Variants in MTFR2 observed in about 807,000 individuals in gnomAD.
MTFR2 encodes the protein mitochondrial fission regulator 2, also known as DUF729 domain-containing protein 1.
MTFR2 carries 44 observed loss-of-function variants against 41.2 expected under a neutral mutation model. That is an observed-to-expected ratio of 1.07 (90% confidence interval 0.84 to 1.37). MTFR2 has a LOEUF of 1.37. Among genes scored for constraint, MTFR2 ranks in the 40% most tolerant of loss-of-function variants. The pLI is 0.00. For synonymous variants in MTFR2, 141 were observed against 154.6 expected (o/e 0.91, Z 0.65); for missense variants, 452 against 459.5 (o/e 0.98, Z 0.15).
intron 6 of MTFR2, among the ~76,000 whole-genome samples, chr6:136,235,690 T>C (rs960207796): frequency 1.3e-5 from 2 of 152,082 alleles, no homozygotes; most frequent in African/African-American, 2.4e-5. Context: ...TCCCAGCACT[T>C]TGGGAGGCCA....
chr6:136,247,180 T>C (rs545212913), intron 2 of MTFR2, among the ~76,000 whole-genome samples: 17 of 152,198 alleles, frequency 1.1e-4, no homozygotes, highest in African/African-American at 3.4e-4. Flanking sequence ...TAAAACCCCA[T>C]CTCTACTAAA....
Position 136,231,332 on chromosome 6 carries a change from G to A in MTFR2, c.1101C>T (p.Asn367=), listed in dbSNP as rs1779748727. The change falls in exon 8 of 8, where the codon AAC becomes AAT. Residue 367 remains asparagine, a synonymous_variant. Coordinates refer to ENST00000420702, the MANE Select transcript of MTFR2 (RefSeq NM_001099286.3). ...EGQRTKEEMV[N]TKAVDQGISN... is the part of the protein sequence containing the mutation. ...TGATACCTTGGTCAACAGCTTTTGT[G>A]TTGACCATTTCTTCTTTAGTTCGCT... 5.0e-6 allele frequency: 8 copies of A among 1,612,716 alleles called. No individual in the cohort carries two copies. Among genetic ancestry groups the A allele is most frequent in the Non-Finnish European group, 6.8e-6 (8 of 1,179,594 alleles).
At chr6:136,237,795 G>A (rs1428119950) in intron 6 of MTFR2, among the ~76,000 whole-genome samples, 2 of 151,074 alleles carry the variant, frequency 1.3e-5, no homozygotes, top group African/African-American at 2.5e-5. Flanking sequence ...CAGCCCGGGC[G>A]ACAGAGCCAG....
intron 2 of MTFR2, among the ~76,000 whole-genome samples, chr6:136,245,427 T>A (rs528188242): frequency 6.6e-6 from 1 of 152,318 alleles, no homozygotes. Context: ...GAAGTAATAA[T>A]GTGCTACTAT....
rs1198404870 is a variant in MTFR2, at chr6:136,231,369, T to A, written c.1064A>T (p.Gln355Leu). Residue 355 changes from glutamine (Q) to leucine (L), a missense_variant, in exon 8 of 8, where the codon CAG becomes CTG. Coordinates refer to ENST00000420702, the MANE Select transcript of MTFR2 (RefSeq NM_001099286.3). Reference protein sequence around the residue: ...ETSRFGHHISQSEGQRTKEEM... With the variant: ...ETSRFGHHISLSEGQRTKEEM... ...TTCTTTAGTTCGCTGTCCTTCTGACTGTGAAATGTGATGTCCAAACTGAAA... is the reference window on the plus strand; with the variant it reads ...TTCTTTAGTTCGCTGTCCTTCTGACAGTGAAATGTGATGTCCAAACTGAAA... 1 of 1,608,272 alleles carries A rather than the reference T, an allele frequency of 6.2e-7. No individual in the cohort carries two copies. The highest frequency in any genetic ancestry group is 8.5e-7 in the Non-Finnish European group (1 of 1,176,864).
intron 4 of MTFR2, 117 bp downstream of exon 4, chr6:136,242,744 G>A (rs1780113127): frequency 1.5e-6 from 1 of 671,460 alleles, no homozygotes; most frequent in Non-Finnish European, 2.4e-6. Context: ...GATACAGTAG[G>A]GCACAGCACA....
intron 7 of MTFR2, 50 bp from the exon 8 acceptor site, chr6:136,231,438 A>C: frequency 8.4e-7 from 1 of 1,194,326 alleles, no homozygotes; most frequent in Non-Finnish European, 1.2e-6. Flanking sequence ...TGTCAAAAAA[A>C]AAAAAGAATG....
chr6:136,250,057 C>A lies in MTFR2; in HGVS notation c.-136G>T, dbSNP rs1193467879. The A allele has an allele frequency of 1.3e-5, 2 of 152,234 alleles. No individual in the cohort carries two copies. Among genetic ancestry groups the A allele is most frequent in the African/African-American group, 4.8e-5 (2 of 41,448 alleles). 9.4% of individuals were successfully genotyped at this position (152,234 alleles called of 1,614,324 possible). A position where few individuals can be genotyped will look rare whatever the true frequency, so the allele number is the denominator to read the frequency against. On this transcript the variant is annotated 5_prime_UTR_variant, in exon 1 of 8. Transcript: ENST00000420702. ...GAATCCTCAATCAAATTCCAGACTG[C>A]GCCACTCCTTGTGCAGATCGCTCAG...
chr6:136,239,452 T>C lies in MTFR2; in HGVS notation c.869+14A>G, dbSNP rs1396209069. 2 of 1,543,988 alleles carry C rather than the reference T, an allele frequency of 1.3e-6. No individual in the cohort carries two copies. The highest frequency in any genetic ancestry group is 1.4e-5 in the African/African-American group (1 of 72,390). ...ACAAAATTTCAGTTCACTTTTCAAA[T>C]TACAACAACATACCGCTCAATTGCA... On this transcript the variant is annotated intron_variant, in intron 6 of 7. Transcript: ENST00000420702.
intron 5 of MTFR2, among the ~76,000 whole-genome samples, chr6:136,241,070 G>A (rs188523332): frequency 0.015 from 2,115 of 144,334 alleles, 48 homozygotes; most frequent in African/African-American, 0.052. Flanking sequence ...CAGCCTGGGC[G>A]ACAGAGCAAG....
At chr6:136,248,292 G>C (rs1417526321) in intron 2 of MTFR2, among the ~76,000 whole-genome samples, 2 of 152,196 alleles carry the variant, frequency 1.3e-5, no homozygotes, top group African/African-American at 4.8e-5. Flanking sequence ...ATTTGCTTAT[G>C]ATATGGTTTG....
At chr6:136,249,723 C>A (rs1434725254) in intron 1 of MTFR2, among the ~76,000 whole-genome samples, 1 of 152,166 alleles carries the variant, frequency 6.6e-6, no homozygotes, top group South Asian at 2.1e-4. Flanking sequence ...CCTGCACAAG[C>A]CCTCTTGCCT....
At chr6:136,247,846 G>A (rs1302843284) in intron 2 of MTFR2, among the ~76,000 whole-genome samples, 8 of 152,146 alleles carry the variant, frequency 5.3e-5, no homozygotes, top group African/African-American at 1.9e-4. Flanking sequence ...CATTATCGAA[G>A]TCCATGGCTT....
rs778867653 is a variant in MTFR2 at position 136,249,092 on chromosome 6, A to C, written c.8T>G (p.Leu3Arg). The change falls in exon 2 of 8, where the codon CTC (leucine) becomes CGC (arginine). Residue 3 changes from leucine (L) to arginine (R), a missense_variant. Coordinates refer to ENST00000420702, the MANE Select transcript of MTFR2 (RefSeq NM_001099286.3). MS[L>R]ILNILREMLE... ...CATCTCTCTTAAGATATTCAGTATGAGAGACATTGATGAAGCAAATACAGA... is the reference window on the plus strand; with the variant it reads ...CATCTCTCTTAAGATATTCAGTATGCGAGACATTGATGAAGCAAATACAGA... 3.1e-6 allele frequency: 5 copies of C among 1,589,778 alleles called. No individual in the cohort carries two copies. In the East Asian group the frequency reaches 9.1e-5, roughly 29 times the overall value.
In MTFR2 at chr6:136,244,883, AAAGT is replaced by A. The variant is rs757979960; in HGVS notation, c.64-18_64-15del. 5.8e-6 allele frequency: 9 copies of A among 1,555,330 alleles called. No homozygotes were observed. In the South Asian group the frequency reaches 1.0e-4, roughly 18 times the overall value. On this transcript the variant is annotated splice_polypyrimidine_tract_variant and intron_variant, in intron 2 of 7. Transcript: ENST00000420702. ...AATCAGCAAAACCTATTTTAAACAT[AAAGT>A]ATGAATTAAAATGCACTCTGATTAA...
chr6:136,244,304 A>AT (rs984345058), intron 3 of MTFR2, among the ~76,000 whole-genome samples: 2 of 152,120 alleles, frequency 1.3e-5, no homozygotes, highest in Admixed American at 6.5e-5. Context: ...CGGACGTAAC[A>AT]TTTTTTATCT....
chr6:136,246,159 G>A (rs537768940), intron 2 of MTFR2, among the ~76,000 whole-genome samples: 1 of 152,314 alleles, frequency 6.6e-6, no homozygotes, highest in African/African-American at 2.4e-5. Flanking sequence ...TTAGTTCTTA[G>A]TTAATTTAAA....
chr6:136,243,789 T>C (rs1405337991), intron 3 of MTFR2, among the ~76,000 whole-genome samples: 1 of 151,748 alleles, frequency 6.6e-6, no homozygotes, highest in African/African-American at 2.4e-5. Flanking sequence ...GAGAAGGTAT[T>C]GTTATTATAG....
Position 136,241,595 on chromosome 6 carries a change from A to G in MTFR2, c.363T>C (p.Ala121=). The G allele has an allele frequency of 6.2e-7, 1 of 1,614,192 alleles. No individual in the cohort carries two copies. The highest frequency in any genetic ancestry group is 8.5e-7 in the Non-Finnish European group (1 of 1,180,036). The change falls in exon 5 of 8, where the codon GCT becomes GCC. Residue 121 remains alanine, a synonymous_variant. Coordinates refer to ENST00000420702, the MANE Select transcript of MTFR2 (RefSeq NM_001099286.3). ...TTTTCACAGTTTCTTTCTGTCTTAC[A>G]GCAGGTGACAGTGGATCCCGAACTA... The part of the protein sequence containing the change: ...LRLVRDPLSP[A]VRQKETVKND...
Sources: gnomAD v4.1 joint callset for allele counts (sites outside exome capture counted in the v4.1 genomes callset) on GRCh38, gnomAD v4.1.1 for gene constraint, MANE v1.5 for transcripts, NCBI Gene and HGNC (gene_info 2026-07-23, HGNC 2026-07-21) for gene names.